Variants in DMD observed in about 807,000 individuals in gnomAD.
DMD encodes the protein mutant dystrophin.
In DMD, 63 loss-of-function variants were observed where a neutral mutation model predicts 330.1. That is an observed-to-expected ratio of 0.19 (90% confidence interval 0.16 to 0.24). DMD has a LOEUF of 0.24. Ranked by LOEUF, DMD falls within the 10% of genes least tolerant of loss-of-function variation. The pLI is 1.00. For missense variants in DMD, 3,344 were observed against 2,684.1 expected (o/e 1.25, Z -5.43); for synonymous variants, 1,223 against 959.8 (o/e 1.27, Z -5.07).
intron 24 of DMD, 142 bp downstream of exon 24, chrX:32,464,444 A>G: frequency 2.1e-6 from 1 of 486,889 alleles, no homozygotes; most frequent in Non-Finnish European, 3.6e-6. Context: ...CCCAGCTGTG[A>G]CAATCAAAAA....
chrX:32,116,411 C>T (rs1195223928), intron 44 of DMD, among the ~76,000 whole-genome samples: 1 of 112,155 alleles, frequency 8.9e-6, no homozygotes, highest in Non-Finnish European at 1.9e-5. Flanking sequence ...TTCTCTAGCT[C>T]ACTACTAGAG....
intron 1 of DMD, among the ~76,000 whole-genome samples, chrX:33,192,462 G>A (rs1239678973): frequency 5.3e-5 from 6 of 112,175 alleles, no homozygotes; most frequent in Non-Finnish European, 9.4e-5. Context: ...AACAGCAGAA[G>A]GAGCAGATGC....
At chrX:32,626,257 G>T (rs1350851619) in intron 11 of DMD, among the ~76,000 whole-genome samples, 1 of 111,240 alleles carries the variant, frequency 9.0e-6, no homozygotes, top group Non-Finnish European at 1.9e-5. Flanking sequence ...GATCACCTGA[G>T]GTCAGGAGTT....
At chrX:33,200,797 T>C (rs769617303) in intron 1 of DMD, among the ~76,000 whole-genome samples, 46 of 110,556 alleles carry the variant, frequency 4.2e-4, no homozygotes, top group African/African-American at 1.5e-3. Flanking sequence ...TCAATAACCT[T>C]ACAGTTAAGA....
chrX:33,013,846 C>CGCGT (rs2093749105), intron 2 of DMD, among the ~76,000 whole-genome samples: 1 of 111,467 alleles, frequency 9.0e-6, no homozygotes, highest in African/African-American at 3.3e-5. Flanking sequence ...CGCGCACGCG[C>CGCGT]GTGTGTGTGT....
chrX:33,019,589 C>T (rs936287550), intron 2 of DMD, among the ~76,000 whole-genome samples: 4 of 111,118 alleles, frequency 3.6e-5, no homozygotes, highest in African/African-American at 1.3e-4. Flanking sequence ...TCTAGAGTCA[C>T]GCTATTGATT....
chrX:32,507,270 G>T lies in DMD; in HGVS notation c.2293-5428C>A, dbSNP rs763803538. 1.1e-4 allele frequency among the ~76,000 whole-genome samples: 12 copies of T among 111,513 alleles called. No homozygotes were observed. In the East Asian group the frequency reaches 3.1e-3, roughly 29 times the overall value. ...CAAGCTGAGTAAAGTGATGTTCTTT[G>T]AGTTACTTTTAGAGTTATCTTCTCC... On this transcript the variant is annotated intron_variant, in intron 18 of 78. Transcript: ENST00000357033.
rs2068608955 is a variant in DMD, at chrX:31,819,968, T to C, written c.7309+7A>G. On this transcript the variant is annotated splice_region_variant and intron_variant, in intron 50 of 78. Transcript: ENST00000357033. ...GAGCCAAAGAGAATGGGATCCAGTA[T>C]ACTTACAGGCTCCAATAGTGGTCAG... 1 of 1,191,864 alleles carries C rather than the reference T, an allele frequency of 8.4e-7. No individual in the cohort carries two copies. Among genetic ancestry groups the C allele is most frequent in the Non-Finnish European group, 1.1e-6 (1 of 877,070 alleles).
At chrX:31,729,034 C>G (rs2086297670) in intron 52 of DMD, among the ~76,000 whole-genome samples, 1 of 111,665 alleles carries the variant, frequency 9.0e-6, no homozygotes, top group African/African-American at 3.3e-5. Context: ...CACTGCGAAT[C>G]ACTCTCCCCA....
chrX:32,290,625 C>A (rs7887340), intron 42 of DMD, among the ~76,000 whole-genome samples: 11 of 111,362 alleles, frequency 9.9e-5, no homozygotes, highest in African/African-American at 2.6e-4. Context: ...CTTCCTAGTA[C>A]GAATTTTGTT....
At chrX:31,900,957 T>A (rs2094413793) in intron 47 of DMD, among the ~76,000 whole-genome samples, 1 of 111,816 alleles carries the variant, frequency 8.9e-6, no homozygotes, top group Non-Finnish European at 1.9e-5. Context: ...GAGTGGATTA[T>A]CAGTATTTGT....
intron 18 of DMD, among the ~76,000 whole-genome samples, chrX:32,516,192 A>C (rs1332910500): frequency 1.8e-5 from 2 of 112,026 alleles, no homozygotes; most frequent in African/African-American, 6.5e-5. Context: ...TAGTAAGAAA[A>C]TTAATGGATA....
At chrX:31,652,580 C>A (rs1327806744) in intron 54 of DMD, among the ~76,000 whole-genome samples, 1 of 111,736 alleles carries the variant, frequency 8.9e-6, no homozygotes, top group East Asian at 2.8e-4. Flanking sequence ...AAGCACCTCA[C>A]AATTATTATA....
At chrX:31,924,532 T>A (rs967512396) in intron 47 of DMD, among the ~76,000 whole-genome samples, 1 of 112,200 alleles carries the variant, frequency 8.9e-6, no homozygotes, top group Non-Finnish European at 1.9e-5. Flanking sequence ...AACTGTATAT[T>A]GTGGAAGATA....
chrX:32,376,851 T>C, intron 34 of DMD, among the ~76,000 whole-genome samples: 1 of 111,280 alleles, frequency 9.0e-6, no homozygotes, highest in Non-Finnish European at 1.9e-5. Context: ...ATTTTAATGT[T>C]AGATTCATTT....
Position 32,020,398 on chromosome X carries a change from T to G in DMD, c.6439-51884A>C, listed in dbSNP as rs11798210. ...AAGACCATCTTCAGAATATAGAAAC[T>G]GTTATGGACTGAAGTAGGTCTCCTC... On this transcript the variant is annotated intron_variant, in intron 44 of 78. Transcript: ENST00000357033. 8.1e-3 allele frequency among the ~76,000 whole-genome samples: 906 copies of G among 112,422 alleles called. 7 individuals carry two copies. The highest frequency in any genetic ancestry group is 0.018 in the Middle Eastern group (4 of 218).
intron 2 of DMD, among the ~76,000 whole-genome samples, chrX:32,870,958 CAAAAAAAAAAAAAAAA>C (rs745583714): frequency 0.023 from 338 of 14,769 alleles, 17 homozygotes; most frequent in African/African-American, 0.077. Context: ...TTCTGTACAG[CAAAAAAAAAAAAAAAA>C]AAAAAAAAAA....
At chrX:31,626,645 C>T (rs2078863877) in intron 55 of DMD, among the ~76,000 whole-genome samples, 2 of 110,612 alleles carry the variant, frequency 1.8e-5, no homozygotes, top group African/African-American at 6.6e-5. Flanking sequence ...AACAGAGCAG[C>T]AAAGTAGATC....
intron 34 of DMD, among the ~76,000 whole-genome samples, chrX:32,380,151 T>G (rs1367568902): frequency 9.0e-6 from 1 of 111,714 alleles, no homozygotes; most frequent in Non-Finnish European, 1.9e-5. Context: ...GTCTTCAATC[T>G]CTGTGTCCTT....
Sources: gnomAD v4.1 joint callset for allele counts (sites outside exome capture counted in the v4.1 genomes callset) on GRCh38, gnomAD v4.1.1 for gene constraint, MANE v1.5 for transcripts, NCBI Gene and HGNC (gene_info 2026-07-23, HGNC 2026-07-21) for gene names.